Variants in MAG observed in about 807,000 individuals in gnomAD.
The protein encoded by MAG is myelin-associated glycoprotein.
A neutral mutation model predicts 60.7 loss-of-function variants in MAG; 30 were observed. The observed-to-expected ratio is 0.49, with a 90% confidence interval of 0.37 to 0.67. MAG has a LOEUF of 0.67. Ranked by LOEUF, MAG falls within the 30% of genes least tolerant of loss-of-function variation. MAG has a pLI of 0.00. For missense variants in MAG, 795 were observed against 851.7 expected (o/e 0.93, Z 0.83); for synonymous variants, 384 against 376.8 (o/e 1.02, Z -0.22).
At chr19:35,307,280 A>T (rs920946393) in intron 7 of MAG, among the ~76,000 whole-genome samples, 4 of 152,060 alleles carry the variant, frequency 2.6e-5, no homozygotes, top group African/African-American at 9.7e-5. Flanking sequence ...CCTGCCGTGA[A>T]TCCGTGTGCC....
rs541203554 is a variant in MAG at position 35,312,145 on chromosome 19, T to C, written c.1716+128T>C. ...TCTCACAGGAGGAGAGGAAGGACAT[T>C]CCAGGGCTGGGTTGGACCTGGAGGC... On this transcript the variant is annotated intron_variant, in intron 10 of 10. Coordinates refer to ENST00000392213, the MANE Select transcript of MAG (RefSeq NM_002361.4). 53 of 1,260,216 alleles carry C rather than the reference T, an allele frequency of 4.2e-5. 1 individual carries two copies. In the South Asian group the frequency reaches 5.7e-4, roughly 14 times the overall value. 78.1% of individuals were successfully genotyped at this position (1,260,216 alleles called of 1,614,324 possible).
Position 35,313,485 on chromosome 19 carries a change from C to A in MAG, c.*31C>A. ...CTGGGGGCAGCCTGCGTGGCTGACC[C>A]CCCTCAGGACCCTCGCTGGCCCCCA... On this transcript the variant is annotated 3_prime_UTR_variant, in exon 11 of 11. Coordinates refer to ENST00000392213, the MANE Select transcript of MAG (RefSeq NM_002361.4). 6.4e-7 allele frequency: 1 copy of A among 1,573,062 alleles called. No individual in the cohort carries two copies. Among genetic ancestry groups the A allele is most frequent in the South Asian group, 1.2e-5 (1 of 86,926 alleles).
intron 4 of MAG, among the ~76,000 whole-genome samples, chr19:35,299,351 G>A (rs904547213): frequency 6.6e-6 from 1 of 152,160 alleles, no homozygotes; most frequent in African/African-American, 2.4e-5. Context: ...TGGCGCTCTG[G>A]TGGCTCCGTG....
intron 7 of MAG, 78 bp from the exon 8 acceptor site, chr19:35,309,796 G>T (rs2145624524): frequency 2.0e-6 from 3 of 1,512,226 alleles, no homozygotes; most frequent in African/African-American, 1.4e-5. Context: ...CACTGGCCTT[G>T]CCTTGAGCCA....
At chr19:35,304,492 C>A (rs2066470291) in intron 7 of MAG, among the ~76,000 whole-genome samples, 1 of 152,098 alleles carries the variant, frequency 6.6e-6, no homozygotes, top group African/African-American at 2.4e-5. Context: ...CTGGGCCAGA[C>A]CTTGAATCCT....
intron 10 of MAG, chr19:35,312,732 A>G (rs1206792329): frequency 1.7e-5 from 4 of 237,644 alleles, no homozygotes; most frequent in Admixed American, 5.0e-5. Context: ...TGTGCCCTCA[A>G]AACTCCTATG....
Position 35,299,560 on chromosome 19 carries a change from C to A in MAG, c.422C>A (p.Pro141His). The change falls in exon 5 of 11, where the codon CCC becomes CAC. Residue 141 changes from proline to histidine, a missense_variant. Pro to His is a moderately conservative substitution (Grantham distance 77, BLOSUM62 -2). Transcript: ENST00000392213. Reference sequence around the variant, plus strand: ...CTTTCCCCGCCTCGTATAGACACCCCCAACATCGTGGTGCCCCCAGAGGTG... The same window carrying A: ...CTTTCCCCGCCTCGTATAGACACCCACAACATCGTGGTGCCCCCAGAGGTG... Reference protein sequence around the residue: ...EHSVLDIVNTPNIVVPPEVVA... With the variant: ...EHSVLDIVNTHNIVVPPEVVA... 6.3e-7 allele frequency: 1 copy of A among 1,589,828 alleles called. No homozygotes were observed. The highest frequency in any genetic ancestry group is 8.6e-7 in the Non-Finnish European group (1 of 1,162,662).
At chr19:35,311,485 A>G (rs1480603223) in intron 9 of MAG, among the ~76,000 whole-genome samples, 1 of 152,142 alleles carries the variant, frequency 6.6e-6, no homozygotes, top group African/African-American at 2.4e-5. Flanking sequence ...AAACAGACAG[A>G]CAGACAGACA....
chr19:35,297,156 C>A (rs1424225766), intron 4 of MAG, among the ~76,000 whole-genome samples: 1 of 147,534 alleles, frequency 6.8e-6, no homozygotes, highest in Admixed American at 6.8e-5. Flanking sequence ...CAAACACACA[C>A]CACACACACA....
chr19:35,297,374 GCTACACACACA>G (rs1599648397), intron 4 of MAG, among the ~76,000 whole-genome samples: 2 of 76,166 alleles, frequency 2.6e-5, no homozygotes, highest in African/African-American at 1.1e-4. Context: ...CACTGCATAC[GCTACACACACA>G]CTACACACAC....
chr19:35,307,573 G>A (rs984944814), intron 7 of MAG, among the ~76,000 whole-genome samples: 1 of 152,188 alleles, frequency 6.6e-6, no homozygotes, highest in Non-Finnish European at 1.5e-5. Flanking sequence ...TGTAGTCCCA[G>A]CTACTCAAGA....
At chr19:35,307,573 G>C (rs984944814) in intron 7 of MAG, among the ~76,000 whole-genome samples, 3 of 152,188 alleles carry the variant, frequency 2.0e-5, no homozygotes, top group South Asian at 4.1e-4. Flanking sequence ...TGTAGTCCCA[G>C]CTACTCAAGA....
rs747766521 is a variant in MAG, at chr19:35,310,027, A to C, written c.1385A>C (p.Tyr462Ser). Residue 462 changes from tyrosine (Y) to serine (S), a missense_variant, in exon 8 of 11, where the codon TAC becomes TCC. Transcript: ENST00000392213. ...AACGAGAGCGAGCGGGAGTTCGTGT[A>C]CTCGGAGCGCAGCGGCCTCGTGCTC... ...TVNESEREFV[Y>S]SERSGLVLTS... The C allele has an allele frequency of 8.1e-6, 13 of 1,613,770 alleles. No homozygotes were observed. The African/African-American group carries it at 1.2e-4, about 15-fold the overall frequency.
At position 35,295,442 on chromosome 19, in the gene MAG, A is replaced by G. The variant is rs373580683; in HGVS notation, c.34A>G (p.Ile12Val). Residue 12 changes from isoleucine to valine, a missense_variant, in exon 3 of 11, where the codon ATT becomes GTT. Physicochemically the swap from Ile to Val is conservative, Grantham distance 29. Transcript: ENST00000392213. This position sits in a 1 kb window ranked among gnomAD's most constrained non-coding sequence, Gnocchi z 5.8. ...IFLTALPLFW[I>V]MISASRGGHW... is the part of the protein sequence containing the mutation. ...CCTCACGGCACTGCCTCTGTTCTGG[A>G]TTATGATTTCAGGTAACGGCTGACA... The G allele has an allele frequency of 2.5e-6, 4 of 1,613,890 alleles. No individual in the cohort carries two copies. The highest frequency in any genetic ancestry group is 1.1e-5 in the South Asian group (1 of 91,076).
At chr19:35,300,723 C>T (rs1365630763) in intron 6 of MAG, among the ~76,000 whole-genome samples, 16 of 152,276 alleles carry the variant, frequency 1.1e-4, no homozygotes, top group Admixed American at 2.6e-4. Context: ...CAGGAATCTG[C>T]GTTTTACTTT....
chr19:35,296,817 CCA>C (rs944223428), intron 4 of MAG, among the ~76,000 whole-genome samples: 1 of 151,752 alleles, frequency 6.6e-6, no homozygotes, highest in African/African-American at 2.4e-5. Flanking sequence ...TACCCACACA[CCA>C]CACACTACAC....
chr19:35,298,948 C>T (rs1408116471), intron 4 of MAG, among the ~76,000 whole-genome samples: 3 of 150,996 alleles, frequency 2.0e-5, no homozygotes, highest in East Asian at 3.9e-4. Context: ...ACATACCATA[C>T]ACAAAAACCA....
intron 7 of MAG, among the ~76,000 whole-genome samples, chr19:35,304,999 G>A (rs140441595): frequency 6.6e-6 from 1 of 152,320 alleles, no homozygotes; most frequent in Non-Finnish European, 1.5e-5. Context: ...GTCTGCCCCA[G>A]CTGTTAAACC....
In MAG at chr19:35,295,917, C is replaced by T. The variant is rs560572512; in HGVS notation, c.351C>T (p.Phe117=). 18 of 1,613,780 alleles carry T rather than the reference C, an allele frequency of 1.1e-5. No homozygotes were observed. In the South Asian group the frequency reaches 1.6e-4, roughly 15 times the overall value. ...CCGAGCTGGGCGGGAAGTACTACTT[C>T]CGTGGGGACCTGGGCGGCTACAACC... is the stretch of plus-strand genomic sequence containing the variant. The part of the protein sequence containing the change: ...VSPELGGKYY[F]RGDLGGYNQY... Residue 117 remains phenylalanine (F), a synonymous_variant, in exon 4 of 11, where the codon TTC becomes TTT. Coordinates refer to ENST00000392213, the MANE Select transcript of MAG (RefSeq NM_002361.4). The surrounding 1 kb of genome is among the most constrained non-coding windows in gnomAD (Gnocchi z 5.8).
Sources: allele counts gnomAD v4.1 joint callset (sites outside exome capture counted in the v4.1 genomes callset), GRCh38; gene constraint gnomAD v4.1.1; non-coding constraint Gnocchi (gnomAD v3.1); transcripts MANE v1.5; gene names NCBI Gene and HGNC (gene_info 2026-07-23, HGNC 2026-07-21).